PTPRD: variants seen among roughly 807,000 people sequenced by gnomAD.
PTPRD encodes receptor-type tyrosine-protein phosphatase delta.
A neutral mutation model predicts 214.5 loss-of-function variants in PTPRD; 34 were observed. That is an observed-to-expected ratio of 0.16 (90% CI 0.12 to 0.21). The LOEUF is 0.21. Among genes scored for constraint, PTPRD ranks in the 10% least tolerant of loss-of-function variants. The pLI is 1.00. For synonymous variants in PTPRD, 1,128 were observed against 845.7 expected, an observed-to-expected ratio of 1.33 and a Z score of -5.79; for missense variants, 2,545 against 2,398.7, an observed-to-expected ratio of 1.06 and a Z score of -1.27.
intron 2 of PTPRD, among the ~76,000 whole-genome samples, chr9:10,531,246 G>A (rs139084651): frequency 1.3e-4 from 20 of 152,156 alleles, no homozygotes; most frequent in Admixed American, 5.2e-4. Context: ...CACTATGCCC[G>A]GCCAATGGAT....
intron 5 of PTPRD, among the ~76,000 whole-genome samples, chr9:9,849,059 A>G (rs1219449876): frequency 6.6e-6 from 1 of 151,606 alleles, no homozygotes; most frequent in Non-Finnish European, 1.5e-5. Flanking sequence ...TTAAATACAT[A>G]GACACACCCT....
chr9:8,962,941 C>T (rs940971134), intron 11 of PTPRD: 1 of 152,032 alleles, frequency 6.6e-6, no homozygotes, highest in Non-Finnish European at 1.5e-5. Context: ...TGGGCATGCA[C>T]ATCAGGATAT....
At chr9:9,905,271 G>A (rs1315083334) in intron 5 of PTPRD, among the ~76,000 whole-genome samples, 1 of 151,760 alleles carries the variant, frequency 6.6e-6, no homozygotes, top group African/African-American at 2.4e-5. Flanking sequence ...AATTCAGTTT[G>A]ATTATTGAAA....
rs189288522 is a variant in PTPRD at position 9,247,149 on chromosome 9, T to G, written c.-202-63786A>C. 4.1e-3 allele frequency among the ~76,000 whole-genome samples: 628 copies of G among 152,218 alleles called. 2 individuals carry two copies. The highest frequency in any genetic ancestry group is 0.014 in the African/African-American group (602 of 41,570). On this transcript the variant is annotated intron_variant, in intron 9 of 45. Coordinates refer to ENST00000381196, the MANE Select transcript of PTPRD (RefSeq NM_002839.4). Reference sequence around the variant, plus strand: ...AGGAGCTGACCATAAAGAAATTCTTTGAGCTACTCTTGTCTGATAGCAGGT... The same window carrying G: ...AGGAGCTGACCATAAAGAAATTCTTGGAGCTACTCTTGTCTGATAGCAGGT...
At chr9:8,555,013 C>T (rs751152292) in intron 14 of PTPRD, among the ~76,000 whole-genome samples, 19 of 152,058 alleles carry the variant, frequency 1.2e-4, no homozygotes, top group Non-Finnish European at 2.8e-4. Flanking sequence ...AATTGTTCCT[C>T]CAGATACTTG....
intron 8 of PTPRD, among the ~76,000 whole-genome samples, chr9:9,560,721 TG>T (rs1834897559): frequency 6.6e-6 from 1 of 152,196 alleles, no homozygotes; most frequent in African/African-American, 2.4e-5. Flanking sequence ...AAGTACACTC[TG>T]GGGCCGTGGG....
intron 4 of PTPRD, among the ~76,000 whole-genome samples, chr9:10,024,335 T>G (rs2154122428): frequency 6.6e-6 from 1 of 152,266 alleles, no homozygotes; most frequent in African/African-American, 2.4e-5. Context: ...GAAAGGAATT[T>G]TTATTTGTTG....
At chr9:10,000,240 A>G (rs2154091814) in intron 4 of PTPRD, among the ~76,000 whole-genome samples, 1 of 152,332 alleles carries the variant, frequency 6.6e-6, no homozygotes, top group Non-Finnish European at 1.5e-5. Flanking sequence ...GTGTTGCAAT[A>G]CATGGGTGTA....
chr9:9,597,835 TA>T (rs2093470991), intron 7 of PTPRD, among the ~76,000 whole-genome samples: 2 of 152,076 alleles, frequency 1.3e-5, no homozygotes, highest in South Asian at 4.1e-4. Context: ...AGTAGAAAAA[TA>T]ATAAGATGTT....
At chr9:8,493,999 GACACACAGACACACACAC>G (rs1325635864) in intron 26 of PTPRD, among the ~76,000 whole-genome samples, 12 of 141,900 alleles carry the variant, frequency 8.5e-5, no homozygotes, top group Non-Finnish European at 1.7e-4. Context: ...GACACACACA[GACACACAGACACACACAC>G]ACACACACAC....
At chr9:9,573,551 T>G (rs150086719) in intron 8 of PTPRD, among the ~76,000 whole-genome samples, 1 of 151,790 alleles carries the variant, frequency 6.6e-6, no homozygotes, top group Non-Finnish European at 1.5e-5. Context: ...GAGATAATAG[T>G]AATTTTTAGA....
chr9:8,492,208 G>A (rs565180957), intron 27 of PTPRD, among the ~76,000 whole-genome samples: 2 of 152,234 alleles, frequency 1.3e-5, no homozygotes, highest in South Asian at 4.1e-4. Context: ...AAGACAAAAT[G>A]ACAAAAGGTA....
intron 7 of PTPRD, among the ~76,000 whole-genome samples, chr9:9,614,051 C>G (rs1398541601): frequency 6.6e-6 from 1 of 151,896 alleles, no homozygotes; most frequent in Non-Finnish European, 1.5e-5. Flanking sequence ...ACAATGTACT[C>G]AGTACAGTGT....
chr9:9,681,048 G>C (rs1168620896), intron 7 of PTPRD, among the ~76,000 whole-genome samples: 1 of 151,632 alleles, frequency 6.6e-6, no homozygotes, highest in Non-Finnish European at 1.5e-5. Context: ...TTATTTTATT[G>C]CACTTTTCAA....
intron 34 of PTPRD, among the ~76,000 whole-genome samples, chr9:8,441,735 C>G (rs532865054): frequency 6.6e-6 from 1 of 152,088 alleles, no homozygotes; most frequent in East Asian, 1.9e-4. Flanking sequence ...CTCCCCTTCT[C>G]TCTAACCTGA....
chr9:10,268,028 C>T (rs549621321), intron 3 of PTPRD, among the ~76,000 whole-genome samples: 8 of 151,614 alleles, frequency 5.3e-5, no homozygotes, highest in African/African-American at 1.9e-4. Flanking sequence ...TCCCTATAAT[C>T]CCAGTACTTT....
chr9:10,373,748 A>G (rs1318949417), intron 2 of PTPRD, among the ~76,000 whole-genome samples: 1 of 151,978 alleles, frequency 6.6e-6, no homozygotes, highest in African/African-American at 2.4e-5. Flanking sequence ...ACGCCTTGCC[A>G]TATTTCTCAG....
chr9:9,401,583 G>A (rs2070512279), intron 8 of PTPRD, among the ~76,000 whole-genome samples: 1 of 141,720 alleles, frequency 7.1e-6, no homozygotes, highest in East Asian at 2.1e-4. Flanking sequence ...TGTAAAACAA[G>A]AAGTCCAAAT....
intron 5 of PTPRD, among the ~76,000 whole-genome samples, chr9:9,930,493 A>T (rs10978098): frequency 0.36 from 55,085 of 152,074 alleles, 10,616 homozygotes; most frequent in East Asian, 0.73. Flanking sequence ...ATGTAAACAA[A>T]TGTACAACTC....
Sources: gnomAD v4.1 joint callset for allele counts (sites outside exome capture counted in the v4.1 genomes callset) on GRCh38, gnomAD v4.1.1 for gene constraint, MANE v1.5 for transcripts, NCBI Gene and HGNC (gene_info 2026-07-23, HGNC 2026-07-21) for gene names.